The following TFEB variants were observed in gnomAD, a reference collection of about 807,000 sequenced individuals.
TFEB encodes transcription factor EB.
Under a neutral mutation model 48.0 loss-of-function variants are expected in TFEB, and 12 were observed. The ratio of observed to expected loss-of-function variants is 0.25; its 90% CI spans 0.16 to 0.40. TFEB has a LOEUF of 0.40. TFEB is among the 10% of genes least tolerant of loss of function. The pLI, the probability that TFEB is intolerant of heterozygous loss-of-function variation, is 1.00. For synonymous variants in TFEB, 244 were observed against 261.4 expected (o/e 0.93, Z 0.64); for missense variants, 509 against 640.3 (o/e 0.79, Z 2.21).
At chr6:41,699,912 C>T (rs1354119925) in intron 1 of TFEB, among the ~76,000 whole-genome samples, 3 of 152,150 alleles carry the variant, frequency 2.0e-5, no homozygotes, top group Non-Finnish European at 4.4e-5. Flanking sequence ...TTGTAGTGTA[C>T]AGCTCAATGA....
chr6:41,722,687 G>A (rs566665257), intron 1 of TFEB, among the ~76,000 whole-genome samples: 4 of 152,228 alleles, frequency 2.6e-5, no homozygotes, highest in Non-Finnish European at 4.4e-5. Flanking sequence ...CATGGAATAA[G>A]GCCAGGTAAA....
Position 41,734,959 on chromosome 6 carries a change from G to A in TFEB, c.-23+391C>T. 1 of 985,424 alleles carries A rather than the reference G, an allele frequency of 1.0e-6. No homozygotes were observed. Among genetic ancestry groups the A allele is most frequent in the Non-Finnish European group, 1.2e-6 (1 of 829,962 alleles). 61.0% of individuals were successfully genotyped at this position (985,424 alleles called of 1,614,324 possible). ...CGTGTCCGGTGGAGGGGGAGTGGGC[G>A]CGGGGCCCGCGCGTCCCTCAAACTT... On this transcript the variant is annotated intron_variant, in intron 1 of 8. Transcript: ENST00000373033. This position sits in a 1 kb window ranked among gnomAD's most constrained non-coding sequence, Gnocchi z 4.0.
At chr6:41,697,276 C>T (rs1769639560) in intron 1 of TFEB, among the ~76,000 whole-genome samples, 1 of 151,680 alleles carries the variant, frequency 6.6e-6, no homozygotes, top group Non-Finnish European at 1.5e-5. Flanking sequence ...GGTGTGGTGG[C>T]ACATGCCTGT....
intron 1 of TFEB, among the ~76,000 whole-genome samples, chr6:41,699,987 C>T (rs1328865472): frequency 6.6e-6 from 1 of 152,150 alleles, no homozygotes; most frequent in Non-Finnish European, 1.5e-5. Flanking sequence ...GTCACCATCA[C>T]CCTGGCAGGT....
Position 41,684,841 on chromosome 6 carries a change from T to C in TFEB, c.1189A>G (p.Ser397Gly). 2 of 1,582,668 alleles carry C rather than the reference T, an allele frequency of 1.3e-6. No homozygotes were observed. Among genetic ancestry groups the C allele is most frequent in the Non-Finnish European group, 1.7e-6 (2 of 1,162,632 alleles). The change falls in exon 9 of 9, where the codon AGC becomes GGC. Residue 397 changes from serine to glycine, a missense_variant. Transcript: ENST00000373033. ...CTGCCCCCAAAGCTCAGGCTGTGGC[T>C]GAAGTCCAGGTGATGGAATGGGGAT... ...PPSPFHHLDF[S>G]HSLSFGGRED... is the part of the protein sequence containing the mutation.
intron 1 of TFEB, among the ~76,000 whole-genome samples, chr6:41,700,565 A>G (rs1041467868): frequency 2.0e-5 from 3 of 151,982 alleles, no homozygotes; most frequent in African/African-American, 7.2e-5. Flanking sequence ...CAGTGGCAGC[A>G]GAGCAAGACC....
chr6:41,716,588 G>A (rs1006731438), intron 1 of TFEB, among the ~76,000 whole-genome samples: 2 of 152,208 alleles, frequency 1.3e-5, no homozygotes, highest in Admixed American at 6.5e-5. Flanking sequence ...GCTGTGGCAG[G>A]TGCAGGAAGT....
intron 1 of TFEB, among the ~76,000 whole-genome samples, chr6:41,705,013 A>G (rs1770134273): frequency 6.6e-6 from 1 of 152,202 alleles, no homozygotes; most frequent in African/African-American, 2.4e-5. Flanking sequence ...GACAGACCAT[A>G]TGAGACACAC....
rs769780108 is a variant in TFEB, at chr6:41,691,167, G to A, written c.47C>T (p.Ala16Val). 5.8e-5 allele frequency: 92 copies of A among 1,589,638 alleles called. No homozygotes were observed. The highest frequency in any genetic ancestry group is 7.0e-5 in the Non-Finnish European group (82 of 1,166,326). The change falls in exon 2 of 9, where the codon GCG becomes GTG. Residue 16 changes from alanine to valine, a missense_variant. Physicochemically the swap from Ala to Val is moderately conservative, Grantham distance 64 (BLOSUM62 0). This residue lies in a region of TFEB where 251 missense variants were observed against 317.2 expected (regional missense o/e 0.79). Transcript: ENST00000373033. This position sits in a 1 kb window ranked among gnomAD's most constrained non-coding sequence, Gnocchi z 5.2. The part of the protein sequence containing the change: ...GLRMQLMREQ[A>V]QQEEQRERMQ... ...GCGCTCCCGCTGCTCCTCCTGCTGC[G>A]CCTGCTCCCGCATGAGCTGCATGCG...
intron 1 of TFEB, chr6:41,735,060 C>A (rs867794432): frequency 1.0e-6 from 1 of 985,242 alleles, no homozygotes; most frequent in African/African-American, 1.7e-5. Context: ...CCCGCCCGGC[C>A]CCTCCCGCCC....
Position 41,734,249 on chromosome 6 carries a change from G to A in TFEB, c.-23+1101C>T, listed in dbSNP as rs985359922. On this transcript the variant is annotated intron_variant, in intron 1 of 8. Coordinates refer to ENST00000373033, the MANE Select transcript of TFEB (RefSeq NM_001271944.2). This position sits in a 1 kb window ranked among gnomAD's most constrained non-coding sequence, Gnocchi z 4.0. ...CAGGGGCTGGCGGAGAGCGGAGGGC[G>A]GGGGCCTGGGCCCAGCGGGGTTCGC... is the stretch of plus-strand genomic sequence containing the variant. 3.1e-6 allele frequency: 2 copies of A among 647,224 alleles called. No homozygotes were observed. Among genetic ancestry groups the A allele is most frequent in the Non-Finnish European group, 3.8e-6 (2 of 520,908 alleles). The allele number at this position is 647,224 out of a possible 1,614,324, so 40.1% of individuals were successfully genotyped here. A position where few individuals can be genotyped will look rare whatever the true frequency, so the allele number is the denominator to read the frequency against.
chr6:41,730,328 G>A lies in TFEB; in HGVS notation c.-23+5022C>T, dbSNP rs1771400461. ...GGAGTGAGGAAGGGCTACGAGGAGG[G>A]AATATGAGCCATGGGTTTCTGGATG... On this transcript the variant is annotated intron_variant, in intron 1 of 8. Coordinates refer to ENST00000373033, the MANE Select transcript of TFEB (RefSeq NM_001271944.2). The surrounding 1 kb of genome is among the most constrained non-coding windows in gnomAD (Gnocchi z 4.1). 6.6e-6 allele frequency among the ~76,000 whole-genome samples: 1 copy of A among 152,168 alleles called. No homozygotes were observed. The highest frequency in any genetic ancestry group is 1.5e-5 in the Non-Finnish European group (1 of 68,030).
rs2127449734 is a variant in TFEB at position 41,691,988 on chromosome 6, T to TC, written c.-22-754dup. On this transcript the variant is annotated intron_variant, in intron 1 of 8. Coordinates refer to ENST00000373033, the MANE Select transcript of TFEB (RefSeq NM_001271944.2). This position sits in a 1 kb window ranked among gnomAD's most constrained non-coding sequence, Gnocchi z 5.2. ...GCTGTTCCCTCTGCCTGGAATGCTC[T>TC]CCCCCCAGATGACATCATGGCTCAC... Among the ~76,000 whole-genome samples, 1 of 152,016 alleles carries TC rather than the reference T, an allele frequency of 6.6e-6. No homozygotes were observed. Among genetic ancestry groups the TC allele is most frequent in the African/African-American group, 2.4e-5 (1 of 41,450 alleles).
At chr6:41,707,767 C>T (rs1770303668) in intron 1 of TFEB, among the ~76,000 whole-genome samples, 1 of 152,202 alleles carries the variant, frequency 6.6e-6, no homozygotes, top group South Asian at 2.1e-4. Context: ...GAAATTACTC[C>T]CCCACCAAAA....
chr6:41,714,140 C>CAT (rs1770613736), intron 1 of TFEB, among the ~76,000 whole-genome samples: 2 of 144,676 alleles, frequency 1.4e-5, no homozygotes, highest in African/African-American at 5.7e-5. Flanking sequence ...TGCATGTGTG[C>CAT]GTGTGTGTGC....
intron 1 of TFEB, among the ~76,000 whole-genome samples, chr6:41,726,252 A>G (rs752365426): frequency 6.6e-5 from 10 of 152,264 alleles, no homozygotes; most frequent in Admixed American, 1.3e-4. Flanking sequence ...TCTGTATTAA[A>G]TTCAGAGTCA....
intron 1 of TFEB, among the ~76,000 whole-genome samples, chr6:41,731,520 C>T (rs1332814160): frequency 6.6e-6 from 1 of 152,038 alleles, no homozygotes; most frequent in Non-Finnish European, 1.5e-5. Flanking sequence ...CTCCCCGGTG[C>T]CTTTGGCAAA....
In TFEB at chr6:41,723,726, A is replaced by C; in HGVS notation, c.-23+11624T>G. The C allele has an allele frequency of 1.3e-5, 5 of 382,084 alleles. No individual in the cohort carries two copies. Among genetic ancestry groups the C allele is most frequent in the Non-Finnish European group, 2.5e-5 (5 of 199,774 alleles). The allele number at this position is 382,084 out of a possible 1,614,324, so 23.7% of individuals were successfully genotyped here. On this transcript the variant is annotated intron_variant, in intron 1 of 8. Coordinates refer to ENST00000373033, the MANE Select transcript of TFEB (RefSeq NM_001271944.2). This position sits in a 1 kb window ranked among gnomAD's most constrained non-coding sequence, Gnocchi z 6.0. The stretch of plus-strand genomic sequence containing the variant: ...AGTCCCACACCGCAGCCTACCCAAC[A>C]CAGACTGCTTCAATCTCACCCGCCC...
chr6:41,709,937 C>G (rs1561864413), intron 1 of TFEB, among the ~76,000 whole-genome samples: 1 of 152,032 alleles, frequency 6.6e-6, no homozygotes, highest in Non-Finnish European at 1.5e-5. Flanking sequence ...CAAGTGTGTG[C>G]CACTATGCCC....
Sources: allele counts gnomAD v4.1 joint callset (sites outside exome capture counted in the v4.1 genomes callset), GRCh38; gene constraint gnomAD v4.1.1; regional missense constraint gnomAD v4.1.1; non-coding constraint Gnocchi (gnomAD v3.1); transcripts MANE v1.5; gene names NCBI Gene and HGNC (gene_info 2026-07-23, HGNC 2026-07-21).